The following BANK1 variants were observed in gnomAD, a reference collection of about 807,000 sequenced individuals.
BANK1 encodes B cell scaffold protein with ankyrin repeats 1.
A neutral mutation model predicts 94.5 loss-of-function variants in BANK1; 95 were observed. The observed-to-expected ratio is 1.00, with a 90% CI of 0.85 to 1.19. The LOEUF (loss-of-function observed/expected upper bound fraction) is 1.19, where lower values mean the gene tolerates loss of function less well. BANK1 is among the 50% of genes most tolerant of loss of function. The pLI, the probability that BANK1 is intolerant of heterozygous loss-of-function variation, is 0.00. For synonymous variants in BANK1, 334 were observed against 308.4 expected (o/e 1.08, Z -0.87); for missense variants, 987 against 932.2 (o/e 1.06, Z -0.77).
At chr4:101,851,119 TCAAA>T (rs930142412) in intron 2 of BANK1, among the ~76,000 whole-genome samples, 1 of 152,148 alleles carries the variant, frequency 6.6e-6, no homozygotes, top group African/African-American at 2.4e-5. Flanking sequence ...GATTCTTTCT[TCAAA>T]CAATTAGCCA....
At chr4:102,064,577 C>CA (rs1172040015) in intron 13 of BANK1, among the ~76,000 whole-genome samples, 3 of 152,126 alleles carry the variant, frequency 2.0e-5, no homozygotes, top group East Asian at 3.9e-4. Context: ...CTGTTTAATT[C>CA]AAAATCAATG....
intron 7 of BANK1, among the ~76,000 whole-genome samples, chr4:101,941,742 T>TACACAC (rs10625591): frequency 6.7e-6 from 1 of 149,572 alleles, no homozygotes; most frequent in South Asian, 2.1e-4. Flanking sequence ...GATGTGTGTG[T>TACACAC]ACACACACAC....
intron 9 of BANK1, among the ~76,000 whole-genome samples, chr4:102,026,223 TG>T (rs1242081088): frequency 6.6e-6 from 1 of 152,094 alleles, no homozygotes; most frequent in African/African-American, 2.4e-5. Context: ...CTGCCTGGAG[TG>T]TTCAACAGCC....
chr4:101,832,558 T>G (rs1022449539), intron 2 of BANK1, among the ~76,000 whole-genome samples: 1 of 152,164 alleles, frequency 6.6e-6, no homozygotes, highest in Non-Finnish European at 1.5e-5. Context: ...CATGAGTTTC[T>G]CTTTCTCTGT....
chr4:102,066,623 T>G (rs921500925), intron 13 of BANK1, among the ~76,000 whole-genome samples: 7 of 152,016 alleles, frequency 4.6e-5, no homozygotes, highest in African/African-American at 1.5e-4. Flanking sequence ...CTCAAAAATG[T>G]GATAAAATAA....
At chr4:102,036,755 T>G (rs1341615120) in intron 10 of BANK1, 1 of 152,192 alleles carries the variant, frequency 6.6e-6, no homozygotes, top group Non-Finnish European at 1.5e-5. Context: ...GCTCTTTCTG[T>G]CATTCTCACA....
At chr4:102,034,042 TCC>T (rs1727415441) in intron 10 of BANK1, among the ~76,000 whole-genome samples, 1 of 142,188 alleles carries the variant, frequency 7.0e-6, no homozygotes, top group East Asian at 2.0e-4. Flanking sequence ...CTTTTTTTTT[TCC>T]CCTAGCTTGG....
intron 3 of BANK1, among the ~76,000 whole-genome samples, chr4:101,859,233 G>T (rs1254113406): frequency 6.6e-6 from 1 of 152,208 alleles, no homozygotes; most frequent in Non-Finnish European, 1.5e-5. Flanking sequence ...GTGAAGTGAT[G>T]CCTTCTCAGA....
chr4:101,953,540 G>GT (rs986119275), intron 7 of BANK1, among the ~76,000 whole-genome samples: 39 of 149,526 alleles, frequency 2.6e-4, no homozygotes, highest in Non-Finnish European at 4.2e-4. Flanking sequence ...GATCTATTTA[G>GT]TAAAAAAAAA....
At position 101,859,091 on chromosome 4, in the gene BANK1, T is replaced by G. The variant is rs569627538; in HGVS notation, c.625-3435T>G. On this transcript the variant is annotated intron_variant, in intron 3 of 16. Transcript: ENST00000322953. ...AAGCTAACAGCACTACCCACTTACT[T>G]CTGATACCAAATCACAAACTAGTCC... Among the ~76,000 whole-genome samples, 8 of 152,336 alleles carry G rather than the reference T, an allele frequency of 5.3e-5. No individual in the cohort carries two copies. The South Asian group carries it at 1.0e-3, about 20-fold the overall frequency.
chr4:102,024,638 CA>C lies in BANK1; in HGVS notation c.1286-554del, dbSNP rs992660240. ...TTGGTGATTTACATGCCTTTTTCACCAAAAAAAAATTAACTTTTCCCAAGTA... is the reference window on the plus strand; with the variant it reads ...TTGGTGATTTACATGCCTTTTTCACCAAAAAAAATTAACTTTTCCCAAGTA... On this transcript the variant is annotated intron_variant, in intron 8 of 16. Coordinates refer to ENST00000322953, the MANE Select transcript of BANK1 (RefSeq NM_017935.5). Among the ~76,000 whole-genome samples the C allele has an allele frequency of 5.4e-5, 8 of 149,110 alleles. No individual in the cohort carries two copies. In the South Asian group the frequency reaches 6.4e-4, roughly 12 times the overall value.
At chr4:101,952,651 G>C (rs1724205042) in intron 7 of BANK1, among the ~76,000 whole-genome samples, 1 of 152,082 alleles carries the variant, frequency 6.6e-6, no homozygotes, top group African/African-American at 2.4e-5. Flanking sequence ...GCTCATAATA[G>C]GTACTTAGTA....
rs568213232 is a variant in BANK1 at position 102,001,165 on chromosome 4, C to T, written c.1207-20349C>T. Among the ~76,000 whole-genome samples, 6 of 152,316 alleles carry T rather than the reference C, an allele frequency of 3.9e-5. No individual in the cohort carries two copies. The South Asian group carries it at 6.2e-4, about 16-fold the overall frequency. On this transcript the variant is annotated intron_variant, in intron 7 of 16. Coordinates refer to ENST00000322953, the MANE Select transcript of BANK1 (RefSeq NM_017935.5). Reference sequence around the variant, plus strand: ...AATATCAAAGGAGCAACACTGAAGTCTATGTGAATAAAGGCTGTACGTTCA... The same window carrying T: ...AATATCAAAGGAGCAACACTGAAGTTTATGTGAATAAAGGCTGTACGTTCA...
At chr4:101,969,923 C>T (rs1724897152) in intron 7 of BANK1, among the ~76,000 whole-genome samples, 1 of 152,086 alleles carries the variant, frequency 6.6e-6, no homozygotes, top group Non-Finnish European at 1.5e-5. Context: ...ATGAAGGCTT[C>T]CTATAGGGAG....
At chr4:102,038,270 T>A (rs1727587090) in intron 10 of BANK1, among the ~76,000 whole-genome samples, 1 of 152,120 alleles carries the variant, frequency 6.6e-6, no homozygotes, top group Non-Finnish European at 1.5e-5. Context: ...ATTTCTTGAT[T>A]GAGGGAGAGG....
At chr4:101,898,888 T>C (rs1197688755) in intron 6 of BANK1, among the ~76,000 whole-genome samples, 1 of 152,070 alleles carries the variant, frequency 6.6e-6, no homozygotes, top group African/African-American at 2.4e-5. Context: ...CAAATAATAT[T>C]CTATAATATT....
chr4:101,907,919 G>T (rs900418963), intron 6 of BANK1, among the ~76,000 whole-genome samples: 9 of 152,110 alleles, frequency 5.9e-5, no homozygotes, highest in African/African-American at 7.2e-5. Context: ...CACAAACAAA[G>T]GGAAGAACAT....
In BANK1 at chr4:102,023,404, T is replaced by C. The variant is rs370705178; in HGVS notation, c.1286-1797T>C. Reference sequence around the variant, plus strand: ...TAAAGGCCATGATTGAAAATGACCATATATTTATCATGACGTTTAATTTTC... The same window carrying C: ...TAAAGGCCATGATTGAAAATGACCACATATTTATCATGACGTTTAATTTTC... On this transcript the variant is annotated intron_variant, in intron 8 of 16. Transcript: ENST00000322953. Among the ~76,000 whole-genome samples the C allele has an allele frequency of 2.6e-5, 4 of 152,198 alleles. No homozygotes were observed. In the South Asian group the frequency reaches 8.3e-4, roughly 32 times the overall value.
At chr4:101,980,394 G>A (rs1178013688) in intron 7 of BANK1, among the ~76,000 whole-genome samples, 2 of 150,960 alleles carry the variant, frequency 1.3e-5, no homozygotes, top group Non-Finnish European at 1.5e-5. Flanking sequence ...GATTTTCTGT[G>A]TCATTATTTT....
Sources: allele counts gnomAD v4.1 joint callset (sites outside exome capture counted in the v4.1 genomes callset), GRCh38; gene constraint gnomAD v4.1.1; transcripts MANE v1.5; gene names NCBI Gene and HGNC (gene_info 2026-07-23, HGNC 2026-07-21).